The following NTRK2 variants were observed in gnomAD, a reference collection of about 807,000 sequenced individuals.
NTRK2 encodes the protein BDNF/NT-3 growth factors receptor.
In NTRK2, 13 loss-of-function variants were observed where a neutral mutation model predicts 94.5. The observed-to-expected ratio is 0.14, with a 90% confidence interval of 0.09 to 0.22. The LOEUF (loss-of-function observed/expected upper bound fraction) is 0.22. NTRK2 is among the 10% of genes least tolerant of loss of function. NTRK2 has a pLI of 1.00. For synonymous variants in NTRK2, 372 were observed against 407.4 expected (o/e 0.91, Z 1.05); for missense variants, 639 against 1,071.2 (o/e 0.60, Z 5.63).
chr9:84,946,165 T>C (rs2078593854), intron 15 of NTRK2, among the ~76,000 whole-genome samples: 3 of 152,342 alleles, frequency 2.0e-5, no homozygotes, highest in African/African-American at 7.2e-5. Flanking sequence ...AATACTAAAT[T>C]TAAGTGAACA....
In NTRK2 at chr9:84,691,322, A is replaced by G. The variant is rs540557550; in HGVS notation, c.213-10837A>G. 7.9e-5 allele frequency among the ~76,000 whole-genome samples: 12 copies of G among 152,316 alleles called. No homozygotes were observed. The East Asian group carries it at 1.4e-3, about 17-fold the overall frequency. On this transcript the variant is annotated intron_variant, in intron 2 of 18. Coordinates refer to ENST00000277120, the MANE Select transcript of NTRK2 (RefSeq NM_006180.6). ...GTTGGAGGAAGTGACAAGGACATCA[A>G]TTCTGCAAGGAGGCTAAAGTTGTCC... is the stretch of plus-strand genomic sequence containing the variant.
chr9:84,741,696 G>A (rs2063664634), intron 9 of NTRK2, among the ~76,000 whole-genome samples, 196 bp from the exon 10 acceptor site: 2 of 152,182 alleles, frequency 1.3e-5, no homozygotes, highest in African/African-American at 4.8e-5. Context: ...GGATGAAAGT[G>A]GGAGAACCGG....
At chr9:84,979,152 A>C (rs1185733894) in intron 17 of NTRK2, among the ~76,000 whole-genome samples, 1 of 152,230 alleles carries the variant, frequency 6.6e-6, no homozygotes, top group East Asian at 1.9e-4. Context: ...TTATGATTTA[A>C]GAATTGTAAG....
chr9:84,733,385 G>C (rs1564150460), intron 9 of NTRK2, among the ~76,000 whole-genome samples: 1 of 152,238 alleles, frequency 6.6e-6, no homozygotes, highest in African/African-American at 2.4e-5. Flanking sequence ...GGCAGGAAGA[G>C]TCTCACTTAA....
chr9:84,833,103 G>A (rs1211564975), intron 12 of NTRK2, among the ~76,000 whole-genome samples: 1 of 149,622 alleles, frequency 6.7e-6, no homozygotes, highest in Non-Finnish European at 1.5e-5. Flanking sequence ...TGGTGGTGGT[G>A]GTGGTGGTGG....
At chr9:84,895,196 C>G (rs1350358011) in intron 14 of NTRK2, among the ~76,000 whole-genome samples, 1 of 152,152 alleles carries the variant, frequency 6.6e-6, no homozygotes, top group Admixed American at 6.5e-5. Context: ...TGCAACTTTC[C>G]AGGCCTCACT....
chr9:84,840,180 A>T (rs570016533), intron 12 of NTRK2, among the ~76,000 whole-genome samples: 33 of 151,074 alleles, frequency 2.2e-4, no homozygotes, highest in African/African-American at 7.8e-4. Context: ...TCATGCTCTC[A>T]TGTGAACATT....
chr9:84,994,507 G>A (rs1397899883), intron 17 of NTRK2, among the ~76,000 whole-genome samples: 2 of 152,188 alleles, frequency 1.3e-5, no homozygotes, highest in Non-Finnish European at 2.9e-5. Context: ...CCCAGGCAGT[G>A]CCTTTTCTGC....
chr9:84,762,219 G>A (rs1165339329), intron 12 of NTRK2, among the ~76,000 whole-genome samples: 1 of 152,164 alleles, frequency 6.6e-6, no homozygotes, highest in Admixed American at 6.5e-5. Context: ...CATGAGAACA[G>A]ACTAATAAAC....
chr9:84,999,082 G>A (rs1009934146), intron 17 of NTRK2, among the ~76,000 whole-genome samples: 3 of 152,196 alleles, frequency 2.0e-5, no homozygotes, highest in Non-Finnish European at 2.9e-5. Context: ...GCCTGCATAA[G>A]AGAACCCAGG....
intron 14 of NTRK2, among the ~76,000 whole-genome samples, chr9:84,887,704 G>C (rs776600092): frequency 6.6e-6 from 1 of 152,286 alleles, no homozygotes; most frequent in East Asian, 1.9e-4. Context: ...TCTGCCTCCA[G>C]GGACAGCAGA....
intron 12 of NTRK2, among the ~76,000 whole-genome samples, chr9:84,779,994 G>A (rs1333342532): frequency 2.0e-5 from 3 of 152,040 alleles, no homozygotes; most frequent in Non-Finnish European, 4.4e-5. Context: ...AGCATTTCTG[G>A]CAGCTAGCCT....
intron 14 of NTRK2, among the ~76,000 whole-genome samples, chr9:84,882,605 A>G (rs187366583): frequency 9.2e-4 from 140 of 151,866 alleles, no homozygotes; most frequent in African/African-American, 3.3e-3. Context: ...CCTTAACCCC[A>G]TGTCCGGTAG....
In NTRK2 at chr9:84,875,974, CA is replaced by C. The variant is rs1338424191; in HGVS notation, c.1633+8544del. ...ATATGTGTGATTTCAGAACCAAAGG[CA>C]GGGGGGAATCCCAGAAAGAAAACAA... On this transcript the variant is annotated intron_variant, in intron 14 of 18. Coordinates refer to ENST00000277120, the MANE Select transcript of NTRK2 (RefSeq NM_006180.6). 4.8e-6 allele frequency: 5 copies of C among 1,038,666 alleles called. No homozygotes were observed. In the Admixed American group the frequency reaches 1.7e-4, roughly 35 times the overall value. 64.3% of individuals were successfully genotyped at this position (1,038,666 alleles called of 1,614,324 possible). A position where few individuals can be genotyped will look rare whatever the true frequency, so the allele number is the denominator to read the frequency against.
intron 12 of NTRK2, chr9:84,815,232 C>T (rs1168623871): frequency 1.9e-6 from 2 of 1,055,870 alleles, no homozygotes; most frequent in Non-Finnish European, 2.3e-6. Context: ...ATAGCTTTGG[C>T]ATGTTCATGA....
rs1024408411 is a variant in NTRK2 at position 85,026,270 on chromosome 9, C to A, written c.*4833C>A. 16 of 231,280 alleles carry A rather than the reference C, an allele frequency of 6.9e-5. No homozygotes were observed. Among genetic ancestry groups the A allele is most frequent in the Admixed American group, 1.1e-4 (2 of 17,704 alleles). 14.3% of individuals were successfully genotyped at this position (231,280 alleles called of 1,614,324 possible). Reference sequence around the variant, plus strand: ...ACGAAATGAGAAAAGATGGGGATGTCATTTTTTAGTCTATGCGTTTGAGGC... The same window carrying A: ...ACGAAATGAGAAAAGATGGGGATGTAATTTTTTAGTCTATGCGTTTGAGGC... On this transcript the variant is annotated 3_prime_UTR_variant, in exon 19 of 19. Transcript: ENST00000277120.
Position 84,844,570 on chromosome 9 carries a change from G to T in NTRK2, c.1397-16470G>T, listed in dbSNP as rs77872968. ...GCTGACATTTCTGAAGGGGAACTGA[G>T]AAGCACAGTAACTGTAAGAAGCTAT... On this transcript the variant is annotated intron_variant, in intron 12 of 18. Coordinates refer to ENST00000277120, the MANE Select transcript of NTRK2 (RefSeq NM_006180.6). Among the ~76,000 whole-genome samples the T allele has an allele frequency of 3.6e-3, 545 of 151,872 alleles. 2 individuals are homozygous for T. The highest frequency in any genetic ancestry group is 0.012 in the African/African-American group (513 of 41,364).
At chr9:84,909,149 G>T (rs140910865) in intron 14 of NTRK2, among the ~76,000 whole-genome samples, 374 of 152,110 alleles carry the variant, frequency 2.5e-3, no homozygotes, top group African/African-American at 8.6e-3. Flanking sequence ...TTATCATAAT[G>T]TTATATATAT....
chr9:84,956,546 G>A (rs116087878), intron 17 of NTRK2, among the ~76,000 whole-genome samples: 1,716 of 152,254 alleles, frequency 0.011, 36 homozygotes, highest in African/African-American at 0.039. Context: ...TGTTTTTCAA[G>A]GAGAGAGGAA....
Sources: allele counts gnomAD v4.1 joint callset (sites outside exome capture counted in the v4.1 genomes callset), GRCh38; gene constraint gnomAD v4.1.1; transcripts MANE v1.5; gene names NCBI Gene and HGNC (gene_info 2026-07-23, HGNC 2026-07-21).